BIN1: variants seen among roughly 807,000 people sequenced by gnomAD.
The protein encoded by BIN1 is bridging integrator 1.
BIN1 carries 53 observed loss-of-function variants against 82.0 expected under a neutral mutation model. The observed-to-expected ratio is 0.65, with a 90% CI of 0.52 to 0.81. BIN1 has a LOEUF of 0.81. Among genes scored for constraint, BIN1 ranks in the 40% least tolerant of loss-of-function variants. The probability of loss-of-function intolerance (pLI) is 0.00; values close to 1 mark genes in which losing one functional copy is unlikely to be tolerated. For missense variants in BIN1, 642 were observed against 784.4 expected (o/e 0.82, Z 2.17); for synonymous variants, 302 against 328.0 (o/e 0.92, Z 0.86).
At position 127,090,941 on chromosome 2, in the gene BIN1, T is replaced by G. The variant is rs1678846623; in HGVS notation, c.85-14235A>C. 6.6e-6 allele frequency among the ~76,000 whole-genome samples: 1 copy of G among 152,154 alleles called. No individual in the cohort carries two copies. The highest frequency in any genetic ancestry group is 2.4e-5 in the African/African-American group (1 of 41,440). ...TCCACTCCAGGCACAGGAGCTGACT[T>G]GTTCTTCTGGATGCCTTCAGGTTCT... On this transcript the variant is annotated intron_variant, in intron 1 of 18. Coordinates refer to ENST00000316724, the MANE Select transcript of BIN1 (RefSeq NM_139343.3). This position sits in a 1 kb window ranked among gnomAD's most constrained non-coding sequence, Gnocchi z 6.4.
chr2:127,069,585 A>G (rs1254879610), intron 5 of BIN1, among the ~76,000 whole-genome samples: 2 of 152,206 alleles, frequency 1.3e-5, no homozygotes, highest in Non-Finnish European at 2.9e-5. Context: ...ACACCCACAC[A>G]TGTAGACCCA....
intron 1 of BIN1, among the ~76,000 whole-genome samples, chr2:127,086,328 C>G (rs1413352872): frequency 1.3e-5 from 2 of 152,146 alleles, no homozygotes; most frequent in East Asian, 1.9e-4. Context: ...ATTCACACTC[C>G]ATCTTGCTTT....
At chr2:127,073,270 C>T (rs950772873) in intron 2 of BIN1, among the ~76,000 whole-genome samples, 1 of 152,242 alleles carries the variant, frequency 6.6e-6, no homozygotes, top group African/African-American at 2.4e-5. Context: ...CAGCTACCCT[C>T]CGCAGGGCAG....
intron 2 of BIN1, among the ~76,000 whole-genome samples, chr2:127,075,195 G>A (rs1686426944): frequency 6.6e-6 from 1 of 151,646 alleles, no homozygotes; most frequent in Non-Finnish European, 1.5e-5. Flanking sequence ...TAACTTCTCT[G>A]AGCCTCAAGT....
intron 10 of BIN1, among the ~76,000 whole-genome samples, chr2:127,061,218 C>G (rs1684431822): frequency 6.7e-6 from 1 of 149,354 alleles, no homozygotes; most frequent in South Asian, 2.2e-4. Context: ...ACCCACCCCC[C>G]CAACCACCAC....
In BIN1 at chr2:127,081,976, C is replaced by G. The variant is rs190911067; in HGVS notation, c.85-5270G>C. ...ACCCTCGTGCCCCGGCGTTCTCACA[C>G]CGAGGCTCCCCAGGCAGGCAGACAC... On this transcript the variant is annotated intron_variant, in intron 1 of 18. Coordinates refer to ENST00000316724, the MANE Select transcript of BIN1 (RefSeq NM_139343.3). The G allele has an allele frequency of 1.7e-3, 1,775 of 1,050,694 alleles. 27 individuals carry two copies. Among genetic ancestry groups the G allele is most frequent in the Non-Finnish European group, 8.1e-4 (655 of 806,654 alleles). The allele number at this position is 1,050,694 out of a possible 1,614,324, so 65.1% of individuals were successfully genotyped here.
chr2:127,103,873 C>T (rs556761173), intron 1 of BIN1, among the ~76,000 whole-genome samples: 23 of 152,370 alleles, frequency 1.5e-4, no homozygotes, highest in East Asian at 1.3e-3. Flanking sequence ...GACCTCACGG[C>T]GCCCACAGGC....
rs538691470 is a variant in BIN1 at position 127,068,552 on chromosome 2, C to A, written c.520-297G>T. The stretch of plus-strand genomic sequence containing the variant: ...GCCCCTCACCAAAGGATGAGTGGGG[C>A]CAGCTCTGCACCTACTGGCTCGCTC... On this transcript the variant is annotated intron_variant, in intron 6 of 18. Coordinates refer to ENST00000316724, the MANE Select transcript of BIN1 (RefSeq NM_139343.3). This position sits in a 1 kb window ranked among gnomAD's most constrained non-coding sequence, Gnocchi z 4.9. Among the ~76,000 whole-genome samples the A allele has an allele frequency of 6.1e-4, 93 of 152,330 alleles. No individual in the cohort carries two copies. The highest frequency in any genetic ancestry group is 1.1e-3 in the Non-Finnish European group (77 of 68,026).
At chr2:127,079,337 T>C (rs1241262875) in intron 1 of BIN1, among the ~76,000 whole-genome samples, 1 of 152,186 alleles carries the variant, frequency 6.6e-6, no homozygotes, top group East Asian at 1.9e-4. Flanking sequence ...ACAAAGATCA[T>C]GTCTATAAAG....
rs569388445 is a variant in BIN1 at position 127,050,584 on chromosome 2, C to T, written c.1573-62G>A. On this transcript the variant is annotated intron_variant, in intron 17 of 18. Transcript: ENST00000316724. ...CCCACCTCCAGCCCTGCACAGAGCA[C>T]GGGCCTTGCGTGTGGGAGGTGCAGG... The T allele has an allele frequency of 4.8e-5, 75 of 1,578,696 alleles. No individual in the cohort carries two copies. In the East Asian group the frequency reaches 1.5e-3, roughly 31 times the overall value.
rs1310221552 is a variant in BIN1, at chr2:127,106,864, T to C, written c.80A>G (p.Glu27Gly). ...CTGGGGCTCCGGCTCGCTCACCTTC[T>C]CCTGCGCGCGGGTGAGCTTCTTCTG... ...NVQKKLTRAQ[E>G]KVLQKLGKAD... is the part of the protein sequence containing the mutation. The change falls in exon 1 of 19, where the codon GAG becomes GGG. Residue 27 changes from glutamate (E) to glycine (G), a missense_variant. Glu to Gly is a moderately conservative substitution (Grantham distance 98). Coordinates refer to ENST00000316724, the MANE Select transcript of BIN1 (RefSeq NM_139343.3). The C allele has an allele frequency of 1.2e-6, 2 of 1,608,034 alleles. No individual in the cohort carries two copies. The highest frequency in any genetic ancestry group is 1.1e-5 in the South Asian group (1 of 89,982).
intron 11 of BIN1, among the ~76,000 whole-genome samples, chr2:127,058,801 G>A (rs964633112): frequency 6.6e-6 from 1 of 152,094 alleles, no homozygotes; most frequent in African/African-American, 2.4e-5. Flanking sequence ...GGGGAGGAGC[G>A]AGCAAGTCAC....
intron 18 of BIN1, among the ~76,000 whole-genome samples, chr2:127,048,966 G>T (rs1433350851): frequency 6.6e-6 from 1 of 152,224 alleles, no homozygotes; most frequent in African/African-American, 2.4e-5. Flanking sequence ...AAAGTTTTGG[G>T]AGTGACAACA....
At chr2:127,072,448 C>T (rs989850563) in intron 2 of BIN1, among the ~76,000 whole-genome samples, 17 of 152,208 alleles carry the variant, frequency 1.1e-4, no homozygotes, top group African/African-American at 4.1e-4. Context: ...ATGAGACCCT[C>T]CAAGCCTGGG....
intron 1 of BIN1, 132 bp from the exon 2 acceptor site, chr2:127,076,838 C>T (rs373960980): frequency 6.0e-6 from 6 of 993,350 alleles, no homozygotes; most frequent in East Asian, 2.5e-5. Flanking sequence ...GCCCAGGGTG[C>T]CCACCCAGGG....
At chr2:127,079,129 T>A (rs754953291) in intron 1 of BIN1, among the ~76,000 whole-genome samples, 1 of 152,150 alleles carries the variant, frequency 6.6e-6, no homozygotes, top group Non-Finnish European at 1.5e-5. Context: ...AGACACACAC[T>A]CGACCCAGTT....
At chr2:127,051,368 G>C in intron 15 of BIN1, 125 bp from the exon 16 acceptor site, 1 of 933,422 alleles carries the variant, frequency 1.1e-6, no homozygotes, top group Non-Finnish European at 1.7e-6. Flanking sequence ...TGGCAGCAGG[G>C]TCTAGAGCTG....
At chr2:127,085,662 T>C (rs1166871888) in intron 1 of BIN1, among the ~76,000 whole-genome samples, 1 of 151,804 alleles carries the variant, frequency 6.6e-6, no homozygotes, top group Non-Finnish European at 1.5e-5. Flanking sequence ...GAGCCCAGGG[T>C]GGCCAGACGC....
chr2:127,053,433 C>T lies in BIN1; in HGVS notation c.1252G>A (p.Asp418Asn). Residue 418 changes from aspartate (D) to asparagine (N), a missense_variant, in exon 14 of 19, where the codon GAC (aspartate) becomes AAC (asparagine). Coordinates refer to ENST00000316724, the MANE Select transcript of BIN1 (RefSeq NM_139343.3). The part of the protein sequence containing the change: ...PTPSGQSIPW[D>N]LWEPTESPAG... Reference sequence around the variant, plus strand: ...GACGTGCAGCTTACCTCCCAGAGGTCCCATGGAATTGACTGAGCGCAGCAG... The same window carrying T: ...GACGTGCAGCTTACCTCCCAGAGGTTCCATGGAATTGACTGAGCGCAGCAG... 1 of 1,613,974 alleles carries T rather than the reference C, an allele frequency of 6.2e-7. No individual in the cohort carries two copies. The highest frequency in any genetic ancestry group is 8.5e-7 in the Non-Finnish European group (1 of 1,179,928).
Sources: gnomAD v4.1 joint callset for allele counts (sites outside exome capture counted in the v4.1 genomes callset) on GRCh38, gnomAD v4.1.1 for gene constraint, Gnocchi (gnomAD v3.1) non-coding constraint, MANE v1.5 for transcripts, NCBI Gene and HGNC (gene_info 2026-07-23, HGNC 2026-07-21) for gene names.